The following DOK5 variants were observed in gnomAD, a reference collection of about 807,000 sequenced individuals.
The protein encoded by DOK5 is downstream of tyrosine kinase 5.
DOK5 carries 27 observed loss-of-function variants against 43.3 expected under a neutral mutation model. That is an observed-to-expected ratio of 0.62 (90% confidence interval 0.46 to 0.86). DOK5 has a LOEUF of 0.86. DOK5 is among the 40% of genes least tolerant of loss of function. The pLI is 0.00. For missense variants in DOK5, 373 were observed against 392.9 expected, an observed-to-expected ratio of 0.95 and a Z score of 0.43; for synonymous variants, 146 against 140.1, an observed-to-expected ratio of 1.04 and a Z score of -0.30.
At chr20:54,497,959 G>A (rs1483571942) in intron 1 of DOK5, among the ~76,000 whole-genome samples, 1 of 152,140 alleles carries the variant, frequency 6.6e-6, no homozygotes. Context: ...TTCTTTTAGT[G>A]AATCTATTTA....
chr20:54,508,031 A>G (rs6091908), intron 1 of DOK5, among the ~76,000 whole-genome samples: 2,293 of 152,304 alleles, frequency 0.015, 51 homozygotes, highest in African/African-American at 0.052. Flanking sequence ...CATGAGAAAT[A>G]CATCCAGTCT....
At chr20:54,571,151 G>A (rs147106486) in intron 2 of DOK5, among the ~76,000 whole-genome samples, 9 of 152,306 alleles carry the variant, frequency 5.9e-5, no homozygotes, top group African/African-American at 2.2e-4. Context: ...TTGTGTATTT[G>A]ATACTCAGAA....
Position 54,475,710 on chromosome 20 carries a change from C to G in DOK5, c.-237C>G, listed in dbSNP as rs1400470839. 2 of 581,800 alleles carry G rather than the reference C, an allele frequency of 3.4e-6. No individual in the cohort carries two copies. Among genetic ancestry groups the G allele is most frequent in the South Asian group, 4.3e-5 (2 of 46,330 alleles). The allele number at this position is 581,800 out of a possible 1,614,324, so 36.0% of individuals were successfully genotyped here. On this transcript the variant is annotated 5_prime_UTR_variant, in exon 1 of 8. Coordinates refer to ENST00000262593, the MANE Select transcript of DOK5 (RefSeq NM_018431.5). The surrounding 1 kb of genome is among the most constrained non-coding windows in gnomAD (Gnocchi z 4.2). ...TGACGCCGGCGCTCCAGCCTCGCCT[C>G]CCCGCGCCGCGCTCTGCGCTCCCCG...
chr20:54,646,259 T>TTTTTTTTTTTTTTG (rs1979420061), intron 7 of DOK5, among the ~76,000 whole-genome samples: 1 of 139,208 alleles, frequency 7.2e-6, no homozygotes, highest in Non-Finnish European at 1.5e-5. Context: ...TTTTTTTTTT[T>TTTTTTTTTTTTTTG]TTTTTTTTTT....
chr20:54,616,010 T>C (rs1012771264), intron 6 of DOK5, among the ~76,000 whole-genome samples: 2 of 152,190 alleles, frequency 1.3e-5, no homozygotes, highest in African/African-American at 4.8e-5. Flanking sequence ...TTCTGGCCTC[T>C]AGAACCGTAA....
At chr20:54,645,664 G>T (rs540136132) in intron 7 of DOK5, among the ~76,000 whole-genome samples, 12 of 152,038 alleles carry the variant, frequency 7.9e-5, no homozygotes, top group Non-Finnish European at 1.8e-4. Context: ...AGATGCAGAT[G>T]ATGGCCGGTT....
At position 54,591,753 on chromosome 20, in the gene DOK5, G is replaced by A. The variant is rs1485675129; in HGVS notation, c.547G>A (p.Ala183Thr). The part of the protein sequence containing the change: ...RVKLISWPLS[A>T]LRRYGRDTTW... ...CAAACTCATCTCTTGGCCGCTAAGC[G>A]CCCTGCGGCGGTATGGACGTGATAC... is the stretch of plus-strand genomic sequence containing the variant. Residue 183 changes from alanine (A) to threonine (T), a missense_variant, in exon 5 of 8, where the codon GCC becomes ACC. Physicochemically the swap from Ala to Thr is moderately conservative, Grantham distance 58. Transcript: ENST00000262593. The A allele has an allele frequency of 3.7e-6, 6 of 1,614,208 alleles. No individual in the cohort carries two copies. Among genetic ancestry groups the A allele is most frequent in the East Asian group, 4.5e-5 (2 of 44,888 alleles).
At chr20:54,630,256 T>C (rs1041898506) in intron 6 of DOK5, among the ~76,000 whole-genome samples, 5 of 152,142 alleles carry the variant, frequency 3.3e-5, no homozygotes, top group Non-Finnish European at 7.3e-5. Flanking sequence ...GGTATATTTT[T>C]GAAGATTGGA....
At chr20:54,631,058 T>C (rs536680331) in intron 6 of DOK5, among the ~76,000 whole-genome samples, 1 of 152,270 alleles carries the variant, frequency 6.6e-6, no homozygotes, top group Non-Finnish European at 1.5e-5. Flanking sequence ...AAGGATGGAC[T>C]AAGATCCAGA....
intron 1 of DOK5, among the ~76,000 whole-genome samples, chr20:54,528,052 C>T (rs975258703): frequency 6.6e-6 from 1 of 152,022 alleles, no homozygotes; most frequent in African/African-American, 2.4e-5. Flanking sequence ...ACCAAAAATA[C>T]AAAAAGTTAG....
chr20:54,522,778 G>A (rs1033211804), intron 1 of DOK5, among the ~76,000 whole-genome samples: 7 of 152,084 alleles, frequency 4.6e-5, no homozygotes, highest in African/African-American at 7.2e-5. Context: ...GCCTCCCAAA[G>A]TGCTGGGATT....
rs548523035 is a variant in DOK5 at position 54,593,697 on chromosome 20, T to C, written c.599+1892T>C. ...TCTGTTATAAAAACACATGCACATG[T>C]ATGTTCATCAAAGCACTATTCACAA... On this transcript the variant is annotated intron_variant, in intron 5 of 7. Coordinates refer to ENST00000262593, the MANE Select transcript of DOK5 (RefSeq NM_018431.5). Among the ~76,000 whole-genome samples, 47 of 152,306 alleles carry C rather than the reference T, an allele frequency of 3.1e-4. No homozygotes were observed. The South Asian group carries it at 9.5e-3, about 31-fold the overall frequency.
rs1316375907 is a variant in DOK5, at chr20:54,480,969, CATCTATCT to C, written c.66+4965_66+4972del. Reference sequence around the variant, plus strand: ...TATCTATCATCTATCTATCATCTATCATCTATCTATCTATCATCTATCATCTATCTATC... The same window carrying C: ...TATCTATCATCTATCTATCATCTATCATCTATCATCTATCATCTATCTATC... On this transcript the variant is annotated intron_variant, in intron 1 of 7. Coordinates refer to ENST00000262593, the MANE Select transcript of DOK5 (RefSeq NM_018431.5). Among the ~76,000 whole-genome samples the C allele has an allele frequency of 2.5e-4, 26 of 102,616 alleles. No individual in the cohort carries two copies. In the South Asian group the frequency reaches 2.6e-3, roughly 10 times the overall value. 67.3% of individuals were successfully genotyped at this position (102,616 alleles called of 152,430 possible).
intron 7 of DOK5, among the ~76,000 whole-genome samples, chr20:54,644,061 C>T (rs1979255153): frequency 6.6e-6 from 1 of 152,208 alleles, no homozygotes; most frequent in Non-Finnish European, 1.5e-5. Context: ...GCCAGGCCAC[C>T]TGTATTTGAA....
chr20:54,637,849 G>A (rs6064095), intron 6 of DOK5, among the ~76,000 whole-genome samples: 139,193 of 152,080 alleles, frequency 0.92, 63,790 homozygotes, highest in East Asian at 0.99. Flanking sequence ...TTGGCCGGGC[G>A]CGGTGGCTCA....
At chr20:54,577,597 A>G (rs1274456557) in intron 2 of DOK5, among the ~76,000 whole-genome samples, 1 of 152,236 alleles carries the variant, frequency 6.6e-6, no homozygotes, top group Non-Finnish European at 1.5e-5. Flanking sequence ...CCTTGGCCAA[A>G]AGGAAATCAA....
rs370041835 is a variant in DOK5 at position 54,478,791 on chromosome 20, A to G, written c.66+2779A>G. Among the ~76,000 whole-genome samples the G allele has an allele frequency of 4.6e-5, 7 of 152,334 alleles. 1 individual carries two copies. The East Asian group carries it at 1.2e-3, about 25-fold the overall frequency. On this transcript the variant is annotated intron_variant, in intron 1 of 7. Coordinates refer to ENST00000262593, the MANE Select transcript of DOK5 (RefSeq NM_018431.5). ...GGGAGCATTAAAGAAGATATTTGTGAAAATGCAATGAAAGTCTAGAACATT... is the reference window on the plus strand; with the variant it reads ...GGGAGCATTAAAGAAGATATTTGTGGAAATGCAATGAAAGTCTAGAACATT...
intron 2 of DOK5, among the ~76,000 whole-genome samples, chr20:54,586,468 A>G (rs1365900729): frequency 3.9e-5 from 6 of 152,170 alleles, no homozygotes; most frequent in African/African-American, 1.2e-4. Context: ...TTTCATTCAT[A>G]TAGTCCACTT....
chr20:54,630,781 C>G (rs1294280362), intron 6 of DOK5, among the ~76,000 whole-genome samples: 1 of 152,176 alleles, frequency 6.6e-6, no homozygotes, highest in Non-Finnish European at 1.5e-5. Flanking sequence ...GCCAACTCAT[C>G]TACTTTTTTG....
Sources: gnomAD v4.1 joint callset for allele counts (sites outside exome capture counted in the v4.1 genomes callset) on GRCh38, gnomAD v4.1.1 for gene constraint, Gnocchi (gnomAD v3.1) non-coding constraint, MANE v1.5 for transcripts, NCBI Gene and HGNC (gene_info 2026-07-23, HGNC 2026-07-21) for gene names.